Variants in RSPH14 observed in about 807,000 individuals in gnomAD.
The protein encoded by RSPH14 is radial spoke head 14 homolog.
RSPH14 carries 20 observed loss-of-function variants against 26.7 expected under a neutral mutation model. The ratio of observed to expected loss-of-function variants is 0.75; its 90% confidence interval spans 0.53 to 1.09. The LOEUF (loss-of-function observed/expected upper bound fraction) is 1.09, where lower values mean the gene tolerates loss of function less well. Ranked by LOEUF, RSPH14 falls within the 50% of genes least tolerant of loss-of-function variation. The probability of loss-of-function intolerance (pLI) is 0.00; values close to 1 mark genes in which losing one functional copy is unlikely to be tolerated. For missense variants in RSPH14, 449 were observed against 457.2 expected, an observed-to-expected ratio of 0.98 and a Z score of 0.16; for synonymous variants, 177 against 189.3, an observed-to-expected ratio of 0.93 and a Z score of 0.53.
At chr22:23,090,930 G>A (rs140316491) in intron 4 of RSPH14, among the ~76,000 whole-genome samples, 11 of 152,288 alleles carry the variant, frequency 7.2e-5, no homozygotes, top group African/African-American at 2.4e-4. Flanking sequence ...TCAAAGCCAT[G>A]GTTTAGCAAG....
intron 4 of RSPH14, among the ~76,000 whole-genome samples, chr22:23,107,192 C>T (rs979288938): frequency 6.6e-6 from 1 of 152,162 alleles, no homozygotes; most frequent in Non-Finnish European, 1.5e-5. Flanking sequence ...GGCATAGTTG[C>T]AGGGGGGAGG....
At chr22:23,157,930 G>A in the RSPH14 span, 1 of 1,609,150 alleles carries the variant, frequency 6.2e-7, no homozygotes, top group Middle Eastern at 1.7e-4. Flanking sequence ...GCACCTCCTG[G>A]GGAGCCCCCT....
At chr22:23,063,876 G>A in intron 5 of RSPH14, 26 bp downstream of exon 5, 2 of 1,609,862 alleles carry the variant, frequency 1.2e-6, no homozygotes, top group Non-Finnish European at 1.7e-6. Context: ...AGCCTTGGTA[G>A]AAACCCAGCC....
At chr22:23,105,169 C>A (rs1053687448) in intron 4 of RSPH14, among the ~76,000 whole-genome samples, 1 of 152,198 alleles carries the variant, frequency 6.6e-6, no homozygotes, top group African/African-American at 2.4e-5. Context: ...ACGGCCACAG[C>A]CCCACACACC....
intron 4 of RSPH14, among the ~76,000 whole-genome samples, chr22:23,091,519 C>A (rs1169312430): frequency 6.6e-6 from 1 of 151,634 alleles, no homozygotes; most frequent in East Asian, 1.9e-4. Flanking sequence ...CATGCACACA[C>A]ACCGCAATAG....
chr22:23,130,137 AAGAAAGAAAGAAAGAAAG>A (rs2070309541), intron 4 of RSPH14, among the ~76,000 whole-genome samples: 2 of 110,556 alleles, frequency 1.8e-5, no homozygotes, highest in African/African-American at 6.6e-5. Context: ...GAAAGAAAGA[AAGAAAGAAAGAAAGAAAG>A]AAAGAAAAAG....
chr22:23,152,701 C>A, the RSPH14 span, among the ~76,000 whole-genome samples: 2 of 152,204 alleles, frequency 1.3e-5, no homozygotes, highest in African/African-American at 4.8e-5. Context: ...GGGGAGATGG[C>A]AGGGCTGGGC....
rs556800507 is a variant in RSPH14, at chr22:23,117,163, T to C, written c.421+16863A>G. On this transcript the variant is annotated intron_variant, in intron 4 of 6. Coordinates refer to ENST00000216036, the MANE Select transcript of RSPH14 (RefSeq NM_014433.3). ...ACCTGTTACCAGGAACGTTGGTAACTGGAAGAGCCTGGTACTTGGGGCTGT... is the reference window on the plus strand; with the variant it reads ...ACCTGTTACCAGGAACGTTGGTAACCGGAAGAGCCTGGTACTTGGGGCTGT... Among the ~76,000 whole-genome samples the C allele has an allele frequency of 4.6e-5, 7 of 152,132 alleles. No individual in the cohort carries two copies. In the South Asian group the frequency reaches 1.5e-3, roughly 32 times the overall value.
chr22:23,145,820 G>A (rs1265580559), upstream of RSPH14: 1 of 342,216 alleles, frequency 2.9e-6, no homozygotes, highest in Non-Finnish European at 4.1e-6. Context: ...GAGGAGTCCG[G>A]ACAGAAAAAG....
intron 6 of RSPH14, among the ~76,000 whole-genome samples, chr22:23,061,446 G>A (rs1389527880): frequency 6.6e-6 from 1 of 152,168 alleles, no homozygotes; most frequent in Non-Finnish European, 1.5e-5. Context: ...AAGGGCTCCA[G>A]GGTTTGCTTA....
intron 3 of RSPH14, among the ~76,000 whole-genome samples, chr22:23,138,318 T>C (rs779807371): frequency 6.6e-6 from 1 of 152,128 alleles, no homozygotes; most frequent in Non-Finnish European, 1.5e-5. Context: ...TCCCAGCATT[T>C]TAGGAGGCCG....
chr22:23,137,119 A>G lies in RSPH14; in HGVS notation c.302+1721T>C, dbSNP rs141221555. On this transcript the variant is annotated intron_variant, in intron 3 of 6. Coordinates refer to ENST00000216036, the MANE Select transcript of RSPH14 (RefSeq NM_014433.3). Reference sequence around the variant, plus strand: ...CAGGATCAGCCACCAAGGCAGCGAGAGCTTGGGGACTAGCAGGGCTGAGTG... The same window carrying G: ...CAGGATCAGCCACCAAGGCAGCGAGGGCTTGGGGACTAGCAGGGCTGAGTG... 1.5e-3 allele frequency among the ~76,000 whole-genome samples: 215 copies of G among 138,776 alleles called. 31 individuals carry two copies. The highest frequency in any genetic ancestry group is 5.4e-3 in the African/African-American group (210 of 39,116). 91.0% of individuals were successfully genotyped at this position (138,776 alleles called of 152,430 possible). A position where few individuals can be genotyped will look rare whatever the true frequency, so the allele number is the denominator to read the frequency against.
chr22:23,095,666 C>A (rs896580737), intron 4 of RSPH14: 5 of 1,576,920 alleles, frequency 3.2e-6, no homozygotes, highest in Non-Finnish European at 4.3e-6. Flanking sequence ...CCATCCCGTG[C>A]TCCTTGTCTG....
rs534953699 is a variant in RSPH14 at position 23,140,142 on chromosome 22, C to CCTTATTA, written c.199+73_199+79dup. The CCTTATTA allele has an allele frequency of 9.3e-5, 145 of 1,564,184 alleles. No individual in the cohort carries two copies. In the South Asian group the frequency reaches 1.6e-3, roughly 17 times the overall value. ...GGAGTCAGGCTCAAACAATAGCAAC[C>CCTTATTA]CTTATTACTGAAGTTCTACCCAGTG... On this transcript the variant is annotated intron_variant, in intron 2 of 6. Transcript: ENST00000216036.
the RSPH14 span, chr22:23,159,188 A>C: frequency 7.4e-6 from 12 of 1,611,080 alleles, no homozygotes; most frequent in Non-Finnish European, 9.3e-6. Flanking sequence ...GAGCAGGCCG[A>C]AGCAGACGCT....
At chr22:23,103,610 G>C (rs2146338912) in intron 4 of RSPH14, among the ~76,000 whole-genome samples, 1 of 152,322 alleles carries the variant, frequency 6.6e-6, no homozygotes, top group South Asian at 2.1e-4. Flanking sequence ...AGATTTAAGA[G>C]AATCCTACTC....
chr22:23,108,339 A>C (rs2069544995), intron 4 of RSPH14, among the ~76,000 whole-genome samples: 1 of 152,254 alleles, frequency 6.6e-6, no homozygotes, highest in African/African-American at 2.4e-5. Context: ...GCTGTGCAGC[A>C]AATTAAAAGG....
intron 4 of RSPH14, among the ~76,000 whole-genome samples, chr22:23,103,784 C>T (rs1234809817): frequency 6.6e-5 from 10 of 152,220 alleles, no homozygotes; most frequent in Non-Finnish European, 1.5e-4. Flanking sequence ...GGGACAGAGG[C>T]AGTCCTATCC....
At chr22:23,157,231 G>C in the RSPH14 span, among the ~76,000 whole-genome samples, 1 of 149,586 alleles carries the variant, frequency 6.7e-6, no homozygotes. Context: ...TGGTTGAAAT[G>C]AAAGTTGGCC....
Sources: allele counts gnomAD v4.1 joint callset (sites outside exome capture counted in the v4.1 genomes callset), GRCh38; gene constraint gnomAD v4.1.1; transcripts MANE v1.5; gene names NCBI Gene and HGNC (gene_info 2026-07-23, HGNC 2026-07-21).